Variants in TMEM132C observed in about 807,000 individuals in gnomAD.
TMEM132C encodes the protein protein phosphatase 1, regulatory subunit 152.
Under a neutral mutation model 61.4 loss-of-function variants are expected in TMEM132C, and 29 were observed. The observed-to-expected ratio is 0.47, with a 90% CI of 0.35 to 0.64. The LOEUF (loss-of-function observed/expected upper bound fraction) is 0.64, where lower values mean the gene tolerates loss of function less well. TMEM132C is among the 30% of genes least tolerant of loss of function. The probability of loss-of-function intolerance (pLI) is 0.00; values close to 1 mark genes in which losing one functional copy is unlikely to be tolerated. For synonymous variants in TMEM132C, 656 were observed against 633.1 expected (o/e 1.04, Z -0.54); for missense variants, 1,408 against 1,476.9 (o/e 0.95, Z 0.76).
chr12:128,338,315 A>G (rs1389883812), intron 1 of TMEM132C, among the ~76,000 whole-genome samples: 1 of 152,100 alleles, frequency 6.6e-6, no homozygotes, highest in Non-Finnish European at 1.5e-5. Flanking sequence ...CTGCATACCA[A>G]AAAGCGTGCC....
chr12:128,360,697 T>A (rs1178080907), intron 1 of TMEM132C, among the ~76,000 whole-genome samples: 1 of 152,132 alleles, frequency 6.6e-6, no homozygotes, highest in Non-Finnish European at 1.5e-5. Flanking sequence ...AGACACTCTC[T>A]TCCTGGAGTT....
At chr12:128,456,344 T>C (rs1870340820) in intron 2 of TMEM132C, among the ~76,000 whole-genome samples, 1 of 140,716 alleles carries the variant, frequency 7.1e-6, no homozygotes, top group Admixed American at 7.5e-5. Flanking sequence ...TGCACAGACC[T>C]TAATTCTATG....
chr12:128,581,764 G>C (rs765046707), intron 3 of TMEM132C, among the ~76,000 whole-genome samples: 16 of 152,222 alleles, frequency 1.1e-4, no homozygotes, highest in Non-Finnish European at 2.4e-4. Context: ...AAGGAACAAA[G>C]TTATGAGGAA....
intron 3 of TMEM132C, among the ~76,000 whole-genome samples, chr12:128,561,178 T>A (rs1479394132): frequency 6.6e-6 from 1 of 152,238 alleles, no homozygotes; most frequent in Non-Finnish European, 1.5e-5. Flanking sequence ...TGAAGCAAAG[T>A]TTTTATGTCA....
At chr12:128,573,642 G>A (rs1874982957) in intron 3 of TMEM132C, among the ~76,000 whole-genome samples, 1 of 151,696 alleles carries the variant, frequency 6.6e-6, no homozygotes, top group Non-Finnish European at 1.5e-5. Context: ...AAAAAAAGAA[G>A]CCATAACAGT....
intron 4 of TMEM132C, among the ~76,000 whole-genome samples, chr12:128,655,333 C>A (rs1055743402): frequency 1.3e-5 from 2 of 152,134 alleles, no homozygotes; most frequent in Non-Finnish European, 1.5e-5. Flanking sequence ...TTGCAAGAGG[C>A]CTCCCCTGCA....
chr12:128,600,095 G>A (rs1378223528), intron 3 of TMEM132C, among the ~76,000 whole-genome samples: 1 of 152,150 alleles, frequency 6.6e-6, no homozygotes, highest in African/African-American at 2.4e-5. Flanking sequence ...CCATTCTCCT[G>A]CCTCAGCCTC....
chr12:128,385,879 C>T (rs544567652), intron 1 of TMEM132C, among the ~76,000 whole-genome samples: 194 of 152,256 alleles, frequency 1.3e-3, no homozygotes, highest in African/African-American at 4.5e-3. Flanking sequence ...CTGTCTGCTC[C>T]ATGAGTTGCT....
chr12:128,585,752 C>A (rs192519393), intron 3 of TMEM132C, among the ~76,000 whole-genome samples: 1 of 152,298 alleles, frequency 6.6e-6, no homozygotes, highest in African/African-American at 2.4e-5. Flanking sequence ...CATGGAAGAA[C>A]CTTGAGGACA....
At chr12:128,402,789 C>T (rs1490403119) in intron 1 of TMEM132C, among the ~76,000 whole-genome samples, 1 of 152,228 alleles carries the variant, frequency 6.6e-6, no homozygotes, top group Non-Finnish European at 1.5e-5. Context: ...AGACTTGTAA[C>T]TTCGCCTGGT....
intron 1 of TMEM132C, among the ~76,000 whole-genome samples, chr12:128,340,854 T>TC (rs1872943540): frequency 6.7e-6 from 1 of 149,354 alleles, no homozygotes; most frequent in African/African-American, 2.5e-5. Flanking sequence ...TCTCTCTTTC[T>TC]TTCTTCCTTC....
intron 1 of TMEM132C, among the ~76,000 whole-genome samples, chr12:128,354,553 C>G (rs1048432665): frequency 6.6e-6 from 1 of 151,810 alleles, no homozygotes; most frequent in Non-Finnish European, 1.5e-5. Context: ...CCACCTCTCT[C>G]TTCCTTCTCT....
At chr12:128,340,604 A>G (rs2135953374) in intron 1 of TMEM132C, among the ~76,000 whole-genome samples, 1 of 152,308 alleles carries the variant, frequency 6.6e-6, no homozygotes, top group Middle Eastern at 3.4e-3. Flanking sequence ...TATAGCCCAA[A>G]TACTAAAATG....
chr12:128,415,646 C>G lies in TMEM132C; in HGVS notation c.974+26C>G. ...GTAGGTGCCCATGCTTGCCCCTGAT[C>G]ATCTTTGGCATGCCTGGTGTGAGAC... On this transcript the variant is annotated intron_variant, in intron 2 of 8. Transcript: ENST00000435159. The surrounding 1 kb of genome is among the most constrained non-coding windows in gnomAD (Gnocchi z 5.8). 6.7e-7 allele frequency: 1 copy of G among 1,487,142 alleles called. No homozygotes were observed. The highest frequency in any genetic ancestry group is 9.0e-7 in the Non-Finnish European group (1 of 1,112,360). The allele number at this position is 1,487,142 out of a possible 1,614,324, so 92.1% of individuals were successfully genotyped here.
At chr12:128,330,737 G>T (rs1872646668) in intron 1 of TMEM132C, among the ~76,000 whole-genome samples, 1 of 152,058 alleles carries the variant, frequency 6.6e-6, no homozygotes, top group African/African-American at 2.4e-5. Flanking sequence ...TCCCCACTCT[G>T]AATTCCTAGT....
chr12:128,470,246 C>T (rs1870902384), intron 2 of TMEM132C, among the ~76,000 whole-genome samples: 1 of 152,176 alleles, frequency 6.6e-6, no homozygotes, highest in Non-Finnish European at 1.5e-5. Context: ...GGCTTGTCGA[C>T]TTACCATCCT....
At chr12:128,540,668 A>G (rs781581208) in intron 2 of TMEM132C, among the ~76,000 whole-genome samples, 38 of 152,164 alleles carry the variant, frequency 2.5e-4, no homozygotes, top group Non-Finnish European at 4.7e-4. Flanking sequence ...GGACAAATAC[A>G]AACTACTTCC....
chr12:128,551,254 CG>C (rs1874166739), intron 3 of TMEM132C, among the ~76,000 whole-genome samples: 1 of 151,114 alleles, frequency 6.6e-6, no homozygotes, highest in East Asian at 1.9e-4. Flanking sequence ...TCCTCTTAGA[CG>C]GGGAGAGAGC....
chr12:128,500,472 T>A (rs1872132441), intron 2 of TMEM132C, among the ~76,000 whole-genome samples: 1 of 151,972 alleles, frequency 6.6e-6, no homozygotes, highest in Non-Finnish European at 1.5e-5. Flanking sequence ...CTAGAACATA[T>A]AAAGAATTAT....
Sources: gnomAD v4.1 joint callset for allele counts (sites outside exome capture counted in the v4.1 genomes callset) on GRCh38, gnomAD v4.1.1 for gene constraint, Gnocchi (gnomAD v3.1) non-coding constraint, MANE v1.5 for transcripts, NCBI Gene and HGNC (gene_info 2026-07-23, HGNC 2026-07-21) for gene names.